ANKRD7: variants seen among roughly 807,000 people sequenced by gnomAD.
ANKRD7 encodes ankyrin repeat domain-containing protein 7.
In ANKRD7, 30 loss-of-function variants were observed where a neutral mutation model predicts 30.8. That is an observed-to-expected ratio of 0.97 (90% CI 0.73 to 1.32). The LOEUF is 1.32. ANKRD7 is among the 40% of genes most tolerant of loss of function. ANKRD7 has a pLI of 0.00. For missense variants in ANKRD7, 264 were observed against 295.7 expected (o/e 0.89, Z 0.79); for synonymous variants, 97 against 106.6 (o/e 0.91, Z 0.55).
chr7:118,231,183 G>T (rs1584722967), intron 1 of ANKRD7, among the ~76,000 whole-genome samples: 1 of 151,980 alleles, frequency 6.6e-6, no homozygotes, highest in East Asian at 1.9e-4. Flanking sequence ...ACAAAGATCT[G>T]CAAAGCTCTG....
chr7:118,237,472 T>C (rs1239421608), intron 5 of ANKRD7, among the ~76,000 whole-genome samples: 1 of 152,176 alleles, frequency 6.6e-6, no homozygotes, highest in Non-Finnish European at 1.5e-5. Context: ...TTATAGCTTA[T>C]GAATTTAACT....
chr7:118,240,782 A>C (rs1809820338), intron 6 of ANKRD7, among the ~76,000 whole-genome samples: 1 of 152,194 alleles, frequency 6.6e-6, no homozygotes, highest in Admixed American at 6.5e-5. Flanking sequence ...TAAAATTTTA[A>C]AGAAAGTAAC....
intron 3 of ANKRD7, among the ~76,000 whole-genome samples, chr7:118,235,504 C>T (rs1042742857): frequency 6.8e-6 from 1 of 148,034 alleles, no homozygotes; most frequent in Non-Finnish European, 1.5e-5. Context: ...CCCAGCTGCT[C>T]GGGAGGCTGA....
chr7:118,227,321 G>C (rs1809559737), intron 1 of ANKRD7, among the ~76,000 whole-genome samples: 1 of 152,184 alleles, frequency 6.6e-6, no homozygotes. Flanking sequence ...GGAAGCTGGG[G>C]TGCTGGCAAG....
intron 1 of ANKRD7, among the ~76,000 whole-genome samples, chr7:118,226,941 C>T (rs2115993716): frequency 6.6e-6 from 1 of 152,266 alleles, no homozygotes. Flanking sequence ...TATTCAGCCA[C>T]TGTTTGATTA....
At position 118,236,094 on chromosome 7, in the gene ANKRD7, A is replaced by C. The variant is rs1809723475; in HGVS notation, c.522A>C (p.Val174=). ...VAVINNNPKM[V]KFLLEKGADV... is the part of the protein sequence containing the mutation. ...TTATTAACAATAATCCAAAAATGGT[A>C]AAATTTCTTCTGGAGAAAGGGGCTG... The change falls in exon 4 of 7, where the codon GTA becomes GTC. Residue 174 remains valine, a synonymous_variant. Coordinates refer to ENST00000265224, the MANE Select transcript of ANKRD7 (RefSeq NM_019644.4). 1 of 1,608,700 alleles carries C rather than the reference A, an allele frequency of 6.2e-7. No homozygotes were observed. The highest frequency in any genetic ancestry group is 8.5e-7 in the Non-Finnish European group (1 of 1,175,910).
chr7:118,231,786 G>A (rs1351663925), intron 1 of ANKRD7, among the ~76,000 whole-genome samples: 1 of 151,938 alleles, frequency 6.6e-6, no homozygotes, highest in Non-Finnish European at 1.5e-5. Context: ...TTTTTCCATC[G>A]ATATATGAGA....
At chr7:118,226,858 T>C (rs1299711533) in intron 1 of ANKRD7, among the ~76,000 whole-genome samples, 3 of 152,234 alleles carry the variant, frequency 2.0e-5, no homozygotes, top group African/African-American at 2.4e-5. Flanking sequence ...AAAAAATCTA[T>C]GTATAAGTGA....
At chr7:118,229,091 C>G (rs931180498) in intron 1 of ANKRD7, among the ~76,000 whole-genome samples, 1 of 152,120 alleles carries the variant, frequency 6.6e-6, no homozygotes, top group African/African-American at 2.4e-5. Flanking sequence ...TCATTTACAT[C>G]CAGCTACACT....
chr7:118,241,507 T>G (rs1275078945), intron 6 of ANKRD7, among the ~76,000 whole-genome samples: 2 of 146,078 alleles, frequency 1.4e-5, no homozygotes, highest in Non-Finnish European at 3.0e-5. Context: ...TAGGGGAGAA[T>G]TTCTCTGAAT....
At chr7:118,235,229 A>G (rs1404485329) in intron 3 of ANKRD7, among the ~76,000 whole-genome samples, 2 of 152,324 alleles carry the variant, frequency 1.3e-5, no homozygotes, top group African/African-American at 4.8e-5. Flanking sequence ...CATGAATAAT[A>G]ATAACAGGGT....
intron 1 of ANKRD7, among the ~76,000 whole-genome samples, chr7:118,225,768 G>A (rs1249579306): frequency 6.6e-6 from 1 of 152,166 alleles, no homozygotes; most frequent in Non-Finnish European, 1.5e-5. Context: ...GAAGCTTGCT[G>A]AGTTTATTGA....
intron 6 of ANKRD7, among the ~76,000 whole-genome samples, chr7:118,241,521 CTTTTT>C (rs3061682): frequency 4.7e-3 from 396 of 84,522 alleles, no homozygotes; most frequent in African/African-American, 0.016. Context: ...TCTGAATTAC[CTTTTT>C]TTTTTTTTTT....
chr7:118,224,961 A>T lies in ANKRD7; in HGVS notation c.131A>T (p.Tyr44Phe). Residue 44 changes from tyrosine (Y) to phenylalanine (F), a missense_variant, in exon 1 of 7, where the codon TAC becomes TTC. By Grantham distance (22) the Tyr-to-Phe change is conservative (BLOSUM62 3). Coordinates refer to ENST00000265224, the MANE Select transcript of ANKRD7 (RefSeq NM_019644.4). ...GGGGATTTGAAGAAGCTGAAGGAATACCTTCAGATCAAGAAATATGATGTA... is the reference window on the plus strand; with the variant it reads ...GGGGATTTGAAGAAGCTGAAGGAATTCCTTCAGATCAAGAAATATGATGTA... ...SVGDLKKLKE[Y>F]LQIKKYDVNM... 6.2e-7 allele frequency: 1 copy of T among 1,614,058 alleles called. No individual in the cohort carries two copies. The highest frequency in any genetic ancestry group is 8.5e-7 in the Non-Finnish European group (1 of 1,179,922).
intron 1 of ANKRD7, among the ~76,000 whole-genome samples, chr7:118,225,307 C>A (rs554403503): frequency 1.3e-5 from 2 of 152,034 alleles, no homozygotes; most frequent in Admixed American, 1.3e-4. Flanking sequence ...GCCAACATGG[C>A]GAAACCCCGT....
chr7:118,225,099 G>A, intron 1 of ANKRD7, 90 bp downstream of exon 1: 1 of 1,415,802 alleles, frequency 7.1e-7, no homozygotes. Flanking sequence ...GTTTGACACT[G>A]ATTGTCACTC....
chr7:118,239,416 C>T (rs1018709293), intron 5 of ANKRD7, among the ~76,000 whole-genome samples: 6 of 152,120 alleles, frequency 3.9e-5, no homozygotes, highest in African/African-American at 1.4e-4. Context: ...CAATGTCAGT[C>T]CCTGGTGCCA....
chr7:118,234,065 C>T (rs1056025576), intron 1 of ANKRD7, among the ~76,000 whole-genome samples: 2 of 152,104 alleles, frequency 1.3e-5, no homozygotes, highest in African/African-American at 4.8e-5. Context: ...TCCTTTCCTC[C>T]TGTTACCTAT....
intron 1 of ANKRD7, among the ~76,000 whole-genome samples, chr7:118,229,166 T>C (rs961169153): frequency 6.6e-6 from 1 of 152,114 alleles, no homozygotes; most frequent in African/African-American, 2.4e-5. Context: ...AGCTGGTCCC[T>C]CTGCCTGGGG....
Sources: gnomAD v4.1 joint callset for allele counts (sites outside exome capture counted in the v4.1 genomes callset) on GRCh38, gnomAD v4.1.1 for gene constraint, MANE v1.5 for transcripts, NCBI Gene and HGNC (gene_info 2026-07-23, HGNC 2026-07-21) for gene names.